The following MED13L variants were observed in gnomAD, a reference collection of about 807,000 sequenced individuals.
The protein encoded by MED13L is mediator of RNA polymerase II transcription subunit 13-like.
A neutral mutation model predicts 220.9 loss-of-function variants in MED13L; 7 were observed. That is an observed-to-expected ratio of 0.03 (90% confidence interval 0.02 to 0.06). The LOEUF (loss-of-function observed/expected upper bound fraction) is 0.06, where lower values mean the gene tolerates loss of function less well. Ranked by LOEUF, MED13L falls within the 10% of genes least tolerant of loss-of-function variation. The pLI is 1.00. For synonymous variants in MED13L, 1,011 were observed against 1,015.2 expected (o/e 1.00, Z 0.08); for missense variants, 1,965 against 2,760.5 (o/e 0.71, Z 6.46).
At chr12:116,098,803 T>A (rs1177782649) in intron 3 of MED13L, among the ~76,000 whole-genome samples, 2 of 152,202 alleles carry the variant, frequency 1.3e-5, no homozygotes, top group Non-Finnish European at 2.9e-5. Flanking sequence ...GGGTAAGGAC[T>A]GTGACTCCAT....
intron 11 of MED13L, among the ~76,000 whole-genome samples, 172 bp from the exon 12 acceptor site, chr12:116,006,583 T>C (rs1879060098): frequency 6.6e-6 from 1 of 152,214 alleles, no homozygotes; most frequent in South Asian, 2.1e-4. Context: ...TCTCTGGAAT[T>C]TCAACAGAAC....
intron 2 of MED13L, among the ~76,000 whole-genome samples, chr12:116,191,847 A>G (rs74558966): frequency 6.6e-6 from 1 of 152,046 alleles, no homozygotes; most frequent in Non-Finnish European, 1.5e-5. Context: ...AAAAATCTAC[A>G]TTTAATTAAA....
chr12:116,218,201 TATA>T (rs1168340352), intron 2 of MED13L, among the ~76,000 whole-genome samples: 1 of 152,196 alleles, frequency 6.6e-6, no homozygotes, highest in Non-Finnish European at 1.5e-5. Context: ...GTTTACTTCG[TATA>T]ATACTTTCTG....
intron 2 of MED13L, among the ~76,000 whole-genome samples, chr12:116,141,898 TC>T (rs1198106194): frequency 6.6e-6 from 1 of 151,944 alleles, no homozygotes; most frequent in South Asian, 2.1e-4. Flanking sequence ...TCATAAATTG[TC>T]CCCCACACCC....
chr12:115,991,988 G>C lies in MED13L; in HGVS notation c.2997-31C>G. 4 of 1,565,156 alleles carry C rather than the reference G, an allele frequency of 2.6e-6. No homozygotes were observed. Among genetic ancestry groups the C allele is most frequent in the Non-Finnish European group, 3.5e-6 (4 of 1,152,288 alleles). On this transcript the variant is annotated intron_variant, in intron 16 of 30. Coordinates refer to ENST00000281928, the MANE Select transcript of MED13L (RefSeq NM_015335.5). The surrounding 1 kb of genome is among the most constrained non-coding windows in gnomAD (Gnocchi z 7.7). ...AAAAGAGAAGGCACCAAGTGAGGAAGGGCAGCATGTCACAGATGCTGAACT... is the reference window on the plus strand; with the variant it reads ...AAAAGAGAAGGCACCAAGTGAGGAACGGCAGCATGTCACAGATGCTGAACT...
chr12:116,176,876 CAAAAAAA>C (rs11285058), intron 2 of MED13L, among the ~76,000 whole-genome samples: 2 of 74,230 alleles, frequency 2.7e-5, no homozygotes, highest in Non-Finnish European at 5.2e-5. Flanking sequence ...AGAACTCAGC[CAAAAAAA>C]AAAAAAAAAA....
intron 2 of MED13L, among the ~76,000 whole-genome samples, chr12:116,188,470 C>A (rs1881044667): frequency 6.6e-6 from 1 of 152,066 alleles, no homozygotes; most frequent in South Asian, 2.1e-4. Flanking sequence ...GAGTCCCTAG[C>A]TAGTAAGGGG....
intron 3 of MED13L, among the ~76,000 whole-genome samples, chr12:116,104,027 T>TTTTTTTTTTG (rs1873333304): frequency 5.2e-5 from 6 of 114,488 alleles, no homozygotes; most frequent in Admixed American, 1.0e-4. Flanking sequence ...TTTTTTTTTT[T>TTTTTTTTTTG]GAGACGGAGT....
At chr12:116,150,222 T>C (rs1877932487) in intron 2 of MED13L, among the ~76,000 whole-genome samples, 1 of 152,210 alleles carries the variant, frequency 6.6e-6, no homozygotes, top group East Asian at 1.9e-4. Flanking sequence ...GCAGGCTGTG[T>C]CACTGGACAT....
chr12:116,127,583 TAAAG>T (rs1875703484), intron 2 of MED13L, among the ~76,000 whole-genome samples: 1 of 152,222 alleles, frequency 6.6e-6, no homozygotes, highest in Admixed American at 6.5e-5. Context: ...GTTCAGATGA[TAAAG>T]AAAATAACCT....
At chr12:116,233,421 T>C (rs976368007) in intron 2 of MED13L, among the ~76,000 whole-genome samples, 1 of 152,194 alleles carries the variant, frequency 6.6e-6, no homozygotes, top group African/African-American at 2.4e-5. Context: ...ATCGCTTTCC[T>C]GATCAGAAAT....
intron 2 of MED13L, among the ~76,000 whole-genome samples, chr12:116,200,587 G>C (rs111467243): frequency 1.3e-5 from 2 of 152,058 alleles, no homozygotes; most frequent in African/African-American, 4.8e-5. Context: ...GAATATGTAC[G>C]TAAACTGTCC....
At chr12:116,193,223 A>T (rs577132023) in intron 2 of MED13L, among the ~76,000 whole-genome samples, 1 of 152,262 alleles carries the variant, frequency 6.6e-6, no homozygotes, top group Non-Finnish European at 1.5e-5. Context: ...AAGTGGGAGG[A>T]TGGCTTGAGC....
intron 4 of MED13L, among the ~76,000 whole-genome samples, chr12:116,072,634 T>G (rs1276333716): frequency 3.3e-5 from 5 of 152,140 alleles, no homozygotes; most frequent in African/African-American, 1.2e-4. Context: ...GTATTTTTAG[T>G]AGAGACAGGG....
chr12:116,154,347 G>C (rs1403568736), intron 2 of MED13L, among the ~76,000 whole-genome samples: 1 of 152,158 alleles, frequency 6.6e-6, no homozygotes, highest in African/African-American at 2.4e-5. Context: ...AATAAGTCTG[G>C]AGTTGGAACT....
chr12:116,208,288 T>G (rs1403012376), intron 2 of MED13L, among the ~76,000 whole-genome samples: 1 of 152,122 alleles, frequency 6.6e-6, no homozygotes, highest in Non-Finnish European at 1.5e-5. Context: ...TCCCAGCTAC[T>G]CTGGAGGCTG....
At chr12:116,106,906 T>C (rs1205810520) in intron 3 of MED13L, among the ~76,000 whole-genome samples, 1 of 149,854 alleles carries the variant, frequency 6.7e-6, no homozygotes. Flanking sequence ...ATTAGCTGGG[T>C]AAATTGACTA....
Position 116,038,836 on chromosome 12 carries a change from C to T in MED13L, c.480-16235G>A, listed in dbSNP as rs553595382. Among the ~76,000 whole-genome samples, 5 of 149,106 alleles carry T rather than the reference C, an allele frequency of 3.4e-5. No homozygotes were observed. In the South Asian group the frequency reaches 8.5e-4, roughly 25 times the overall value. The stretch of plus-strand genomic sequence containing the variant: ...CAGCCTTTCTTATAGAACGTTATTT[C>T]CCCATAATCTACTATTGCATTTTCC... On this transcript the variant is annotated intron_variant, in intron 4 of 30. Coordinates refer to ENST00000281928, the MANE Select transcript of MED13L (RefSeq NM_015335.5).
At chr12:116,007,239 A>G in intron 11 of MED13L, 172 bp downstream of exon 11, 1 of 676,842 alleles carries the variant, frequency 1.5e-6, no homozygotes, top group Admixed American at 2.3e-5. Flanking sequence ...GCCATGACAT[A>G]AAAAGGAACA....
Sources: gnomAD v4.1 joint callset for allele counts (sites outside exome capture counted in the v4.1 genomes callset) on GRCh38, gnomAD v4.1.1 for gene constraint, Gnocchi (gnomAD v3.1) non-coding constraint, MANE v1.5 for transcripts, NCBI Gene and HGNC (gene_info 2026-07-23, HGNC 2026-07-21) for gene names.